GBE1: variants seen among roughly 807,000 people sequenced by gnomAD.
GBE1 encodes 1,4-alpha-glucan branching enzyme 1, also known as 1,4-alpha-glucan-branching enzyme.
A neutral mutation model predicts 88.8 loss-of-function variants in GBE1; 70 were observed. The observed-to-expected ratio is 0.79, with a 90% CI of 0.65 to 0.96. The LOEUF (loss-of-function observed/expected upper bound fraction) is 0.96, where lower values mean the gene tolerates loss of function less well. Among genes scored for constraint, GBE1 ranks in the 40% least tolerant of loss-of-function variants. The pLI is 0.00. For missense variants in GBE1, 872 were observed against 871.0 expected, an observed-to-expected ratio of 1.00 and a Z score of -0.01; for synonymous variants, 284 against 300.1, an observed-to-expected ratio of 0.95 and a Z score of 0.56.
chr3:81,516,986 G>A (rs1702806303), intron 14 of GBE1, among the ~76,000 whole-genome samples: 1 of 151,492 alleles, frequency 6.6e-6, no homozygotes, highest in Admixed American at 6.6e-5. Flanking sequence ...TGCCAGAGAT[G>A]GCAACAAATG....
rs142829731 is a variant in GBE1, at chr3:81,634,730, T to C, written c.992+8051A>G. Among the ~76,000 whole-genome samples, 154 of 152,226 alleles carry C rather than the reference T, an allele frequency of 1.0e-3. 1 individual carries two copies. The highest frequency in any genetic ancestry group is 6.8e-3 in the Middle Eastern group (2 of 294). On this transcript the variant is annotated intron_variant, in intron 7 of 15. Coordinates refer to ENST00000429644, the MANE Select transcript of GBE1 (RefSeq NM_000158.4). ...TTATTAACTTTCCTTTCACATTTAA[T>C]ATGGAAACAACAAATATACCACTAA...
At chr3:81,674,058 C>T (rs761275999) in intron 2 of GBE1, among the ~76,000 whole-genome samples, 3 of 151,782 alleles carry the variant, frequency 2.0e-5, no homozygotes, top group Non-Finnish European at 2.9e-5. Context: ...TCCATTAGTC[C>T]GTTTTCTCTC....
intron 14 of GBE1, among the ~76,000 whole-genome samples, chr3:81,534,391 C>A (rs1214982803): frequency 5.9e-5 from 9 of 151,940 alleles, no homozygotes; most frequent in Admixed American, 2.6e-4. Flanking sequence ...AGAGCTGTCA[C>A]AGAGGTGTTC....
At chr3:81,609,714 A>G (rs1391138026) in intron 7 of GBE1, among the ~76,000 whole-genome samples, 1 of 152,194 alleles carries the variant, frequency 6.6e-6, no homozygotes, top group Non-Finnish European at 1.5e-5. Context: ...ACTTATTCAC[A>G]AATTTTCTCT....
chr3:81,616,436 G>C (rs896184557), intron 7 of GBE1, among the ~76,000 whole-genome samples: 1 of 152,134 alleles, frequency 6.6e-6, no homozygotes, highest in South Asian at 2.1e-4. Context: ...AACAGCTCTC[G>C]TATCATTTGT....
intron 15 of GBE1, among the ~76,000 whole-genome samples, chr3:81,498,544 A>T (rs1702544829): frequency 6.6e-6 from 1 of 152,162 alleles, no homozygotes; most frequent in African/African-American, 2.4e-5. Context: ...TATTTGTGTG[A>T]ACACCACAAT....
At chr3:81,647,584 C>T (rs551621174) in intron 5 of GBE1, among the ~76,000 whole-genome samples, 7 of 151,996 alleles carry the variant, frequency 4.6e-5, no homozygotes, top group East Asian at 3.9e-4. Context: ...GTAAAATGTT[C>T]GAATATGATT....
At chr3:81,573,939 C>T (rs1218593169) in intron 12 of GBE1, among the ~76,000 whole-genome samples, 2 of 152,082 alleles carry the variant, frequency 1.3e-5, no homozygotes, top group Non-Finnish European at 2.9e-5. Flanking sequence ...ATGATATTGG[C>T]TTATCCCAAA....
At chr3:81,542,596 G>T (rs767983337) in intron 12 of GBE1, among the ~76,000 whole-genome samples, 7 of 151,818 alleles carry the variant, frequency 4.6e-5, no homozygotes, top group Non-Finnish European at 7.4e-5. Flanking sequence ...TCATTTTAGT[G>T]CCCTCTAAGA....
At chr3:81,631,106 A>T (rs1365192374) in intron 7 of GBE1, among the ~76,000 whole-genome samples, 1 of 152,142 alleles carries the variant, frequency 6.6e-6, no homozygotes, top group African/African-American at 2.4e-5. Context: ...CAGTAGGCTT[A>T]GGTGGGAGGA....
At chr3:81,612,553 G>T in intron 7 of GBE1, 1 of 772,774 alleles carries the variant, frequency 1.3e-6, no homozygotes, top group Non-Finnish European at 2.2e-6. Context: ...CTGGTGGATG[G>T]TTGAGAAATG....
chr3:81,643,264 G>A (rs1443897417), intron 6 of GBE1, among the ~76,000 whole-genome samples: 1 of 152,116 alleles, frequency 6.6e-6, no homozygotes. Flanking sequence ...ATAAAACTCT[G>A]CTTCTCTATT....
intron 2 of GBE1, among the ~76,000 whole-genome samples, chr3:81,688,846 T>C (rs142726440): frequency 4.6e-4 from 69 of 151,596 alleles, no homozygotes; most frequent in African/African-American, 1.6e-3. Context: ...ATATATACTA[T>C]ATATATTTAA....
chr3:81,729,706 T>C (rs1212345359), intron 1 of GBE1, among the ~76,000 whole-genome samples: 1 of 152,096 alleles, frequency 6.6e-6, no homozygotes, highest in Non-Finnish European at 1.5e-5. Context: ...GTCAATTCAG[T>C]GGATGTCAGT....
intron 7 of GBE1, among the ~76,000 whole-genome samples, chr3:81,642,053 C>T (rs982680699): frequency 1.3e-5 from 2 of 151,486 alleles, no homozygotes; most frequent in African/African-American, 2.4e-5. Flanking sequence ...ATAATAAACA[C>T]AAGTTCATGG....
intron 7 of GBE1, among the ~76,000 whole-genome samples, chr3:81,626,964 C>G (rs1337428341): frequency 1.3e-5 from 2 of 152,118 alleles, no homozygotes; most frequent in Non-Finnish European, 2.9e-5. Context: ...ATCACACTTC[C>G]TAATTTCCTG....
intron 10 of GBE1, among the ~76,000 whole-genome samples, chr3:81,582,854 A>C (rs1293408499): frequency 1.3e-5 from 2 of 152,132 alleles, no homozygotes; most frequent in Admixed American, 6.6e-5. Context: ...AGAGAGACCT[A>C]TACAAGGGAA....
chr3:81,499,120 T>G lies in GBE1; in HGVS notation c.2042A>C (p.Tyr681Ser). The part of the protein sequence containing the change: ...SEAFEHNGRP[Y>S]SLLVYIPSRV... ...GAGAAACTTACTTACCAAAAGAGAA[T>G]AGGGACGCCCATTATGTTCAAAAGC... The change falls in exon 15 of 16, where the codon TAT becomes TCT. Residue 681 changes from tyrosine to serine, a missense_variant. Transcript: ENST00000429644. 1 of 1,574,596 alleles carries G rather than the reference T, an allele frequency of 6.4e-7. No homozygotes were observed. The highest frequency in any genetic ancestry group is 8.7e-7 in the Non-Finnish European group (1 of 1,146,652).
chr3:81,677,448 C>T (rs923335392), intron 2 of GBE1, among the ~76,000 whole-genome samples: 2 of 152,204 alleles, frequency 1.3e-5, no homozygotes, highest in Admixed American at 6.5e-5. Flanking sequence ...AAACATCCTT[C>T]CTCATCATAT....
Sources: allele counts gnomAD v4.1 joint callset (sites outside exome capture counted in the v4.1 genomes callset), GRCh38; gene constraint gnomAD v4.1.1; transcripts MANE v1.5; gene names NCBI Gene and HGNC (gene_info 2026-07-23, HGNC 2026-07-21).